Variants in FAM171A1 observed in about 807,000 individuals in gnomAD.
The protein encoded by FAM171A1 is family with sequence similarity 171 member A1, also known as protein FAM171A1.
A neutral mutation model predicts 74.9 loss-of-function variants in FAM171A1; 23 were observed. That is an observed-to-expected ratio of 0.31 (90% CI 0.22 to 0.44). The LOEUF is 0.44. Ranked by LOEUF, FAM171A1 falls within the 20% of genes least tolerant of loss-of-function variation. FAM171A1 has a pLI of 1.00. For missense variants in FAM171A1, 1,162 were observed against 1,159.2 expected, an observed-to-expected ratio of 1.00 and a Z score of -0.03; for synonymous variants, 527 against 505.7, an observed-to-expected ratio of 1.04 and a Z score of -0.57.
Position 15,222,448 on chromosome 10 carries a change from G to A in FAM171A1, c.755-1388C>T, listed in dbSNP as rs75602301. On this transcript the variant is annotated intron_variant, in intron 5 of 7. Transcript: ENST00000378116. The stretch of plus-strand genomic sequence containing the variant: ...ACTGCGCTGAATACCATAGGCCACC[G>A]TCACACAATGGGAAGTATCTGTGTA... Among the ~76,000 whole-genome samples the A allele has an allele frequency of 4.6e-3, 701 of 152,244 alleles. 3 individuals are homozygous for A. Among genetic ancestry groups the A allele is most frequent in the Non-Finnish European group, 6.8e-3 (462 of 68,024 alleles).
chr10:15,302,426 C>T (rs929741176), intron 1 of FAM171A1, among the ~76,000 whole-genome samples: 1 of 150,754 alleles, frequency 6.6e-6, no homozygotes, highest in Admixed American at 6.7e-5. Flanking sequence ...AATTGCGCCA[C>T]TGCACTGCAG....
At position 15,267,271 on chromosome 10, in the gene FAM171A1, C is replaced by T. The variant is rs1834757137; in HGVS notation, c.418+8584G>A. Among the ~76,000 whole-genome samples the T allele has an allele frequency of 2.6e-5, 4 of 152,294 alleles. No individual in the cohort carries two copies. In the South Asian group the frequency reaches 8.3e-4, roughly 32 times the overall value. ...GGCACAGAACCGATGACTGTGACAT[C>T]AGGCTCGCTGCAGCCATATTCCACT... On this transcript the variant is annotated intron_variant, in intron 3 of 7. Coordinates refer to ENST00000378116, the MANE Select transcript of FAM171A1 (RefSeq NM_001010924.2).
In FAM171A1 at chr10:15,261,908, A is replaced by C. The variant is rs184727174; in HGVS notation, c.419-7029T>G. ...TGAGGCAGGAGGAACGCTTGAGGCC[A>C]GGAGTCTGAGAATAGCCTGGGCAAC... is the stretch of plus-strand genomic sequence containing the variant. On this transcript the variant is annotated intron_variant, in intron 3 of 7. Transcript: ENST00000378116. Among the ~76,000 whole-genome samples the C allele has an allele frequency of 8.5e-5, 13 of 152,228 alleles. No individual in the cohort carries two copies. The East Asian group carries it at 1.9e-3, about 23-fold the overall frequency.
At chr10:15,265,578 G>GAAAA (rs58125400) in intron 3 of FAM171A1, among the ~76,000 whole-genome samples, 2 of 37,708 alleles carry the variant, frequency 5.3e-5, no homozygotes, top group Non-Finnish European at 8.6e-5. Context: ...TGGTGCCTCT[G>GAAAA]AAAAAAAAAA....
At chr10:15,339,826 C>T (rs1336490780) in intron 1 of FAM171A1, among the ~76,000 whole-genome samples, 2 of 152,212 alleles carry the variant, frequency 1.3e-5, no homozygotes, top group Admixed American at 1.3e-4. Context: ...GCTTAATGGA[C>T]TCACAGTTCC....
At chr10:15,232,141 C>T (rs1201482576) in intron 5 of FAM171A1, among the ~76,000 whole-genome samples, 2 of 152,110 alleles carry the variant, frequency 1.3e-5, no homozygotes, top group South Asian at 2.1e-4. Flanking sequence ...GCCATTGTGT[C>T]CTTGCCTAGA....
intron 1 of FAM171A1, among the ~76,000 whole-genome samples, chr10:15,340,181 CT>C (rs901817981): frequency 1.3e-5 from 2 of 152,186 alleles, no homozygotes; most frequent in African/African-American, 4.8e-5. Context: ...ACTGTCTCTG[CT>C]CCCCATCAGT....
At chr10:15,293,342 T>C (rs747399163) in intron 1 of FAM171A1, among the ~76,000 whole-genome samples, 6 of 152,202 alleles carry the variant, frequency 3.9e-5, no homozygotes, top group Non-Finnish European at 8.8e-5. Context: ...TATTAATCAA[T>C]CCATGTAACT....
Position 15,212,849 on chromosome 10 carries a change from A to G in FAM171A1, c.*66T>C. The G allele has an allele frequency of 6.3e-7, 1 of 1,583,658 alleles. No homozygotes were observed. The highest frequency in any genetic ancestry group is 8.6e-7 in the Non-Finnish European group (1 of 1,166,626). ...CGTTCCGTTTCCTCCACGAACGGGT[A>G]CGCGCTTCCATGAGAAAGGATATTT... is the stretch of plus-strand genomic sequence containing the variant. On this transcript the variant is annotated 3_prime_UTR_variant, in exon 8 of 8. Transcript: ENST00000378116.
At chr10:15,214,762 T>C (rs1277680532) in intron 7 of FAM171A1, among the ~76,000 whole-genome samples, 161 bp from the exon 8 acceptor site, 1 of 151,410 alleles carries the variant, frequency 6.6e-6, no homozygotes, top group Non-Finnish European at 1.5e-5. Flanking sequence ...CCCTGTCTTT[T>C]TTTTTTTTTT....
At chr10:15,283,837 C>G (rs1407233533) in intron 2 of FAM171A1, 41 bp downstream of exon 2, 8 of 1,596,476 alleles carry the variant, frequency 5.0e-6, no homozygotes, top group Non-Finnish European at 6.9e-6. Context: ...CTCCCACCAG[C>G]CAATGCCCTC....
chr10:15,330,900 T>TA (rs34519999), intron 1 of FAM171A1, among the ~76,000 whole-genome samples: 3 of 151,476 alleles, frequency 2.0e-5, no homozygotes, highest in Non-Finnish European at 4.4e-5. Flanking sequence ...TATTTTATTT[T>TA]TTTTTTGAGA....
chr10:15,216,210 C>A, intron 6 of FAM171A1, 100 bp from the exon 7 acceptor site: 1 of 736,436 alleles, frequency 1.4e-6, no homozygotes, highest in South Asian at 2.1e-5. Flanking sequence ...CTCTTCTTAG[C>A]TGGGGCATAG....
At chr10:15,371,739 G>A (rs1163273346), upstream of FAM171A1, among the ~76,000 whole-genome samples, 4 of 152,198 alleles carry the variant, frequency 2.6e-5, no homozygotes, top group Admixed American at 6.5e-5. Context: ...GGGTTAGGGT[G>A]GGGAGGAAAT....
At chr10:15,257,164 G>T (rs926416322) in intron 3 of FAM171A1, among the ~76,000 whole-genome samples, 5 of 152,156 alleles carry the variant, frequency 3.3e-5, no homozygotes, top group African/African-American at 1.2e-4. Flanking sequence ...TCCTCATGAG[G>T]GTCCGGGCAG....
intron 1 of FAM171A1, among the ~76,000 whole-genome samples, chr10:15,346,512 G>T (rs3891995): frequency 6.6e-6 from 1 of 152,172 alleles, no homozygotes; most frequent in African/African-American, 2.4e-5. Context: ...AATGCTCTGA[G>T]CAAGAACTCA....
intron 1 of FAM171A1, among the ~76,000 whole-genome samples, chr10:15,284,932 T>TAAAAAAAAAA (rs553987604): frequency 1.0e-5 from 1 of 98,684 alleles, no homozygotes. Context: ...AGAAAAAGAA[T>TAAAAAAAAAA]AAAAAAAAAA....
chr10:15,344,471 C>T (rs1835797785), intron 1 of FAM171A1, among the ~76,000 whole-genome samples: 2 of 152,094 alleles, frequency 1.3e-5, no homozygotes, highest in Admixed American at 1.3e-4. Context: ...ATCGCTTGAG[C>T]CCAGGTCAAG....
chr10:15,226,772 G>A (rs1052075148), intron 5 of FAM171A1, among the ~76,000 whole-genome samples: 1 of 152,058 alleles, frequency 6.6e-6, no homozygotes, highest in African/African-American at 2.4e-5. Flanking sequence ...GTTTGCTCTT[G>A]CGCTGAATAC....
Sources: gnomAD v4.1 joint callset for allele counts (sites outside exome capture counted in the v4.1 genomes callset) on GRCh38, gnomAD v4.1.1 for gene constraint, MANE v1.5 for transcripts, NCBI Gene and HGNC (gene_info 2026-07-23, HGNC 2026-07-21) for gene names.